WWP1: variants seen among roughly 807,000 people sequenced by gnomAD.
WWP1 encodes NEDD4-like E3 ubiquitin-protein ligase WWP1.
A neutral mutation model predicts 130.6 loss-of-function variants in WWP1; 49 were observed. The ratio of observed to expected loss-of-function variants is 0.38; its 90% CI spans 0.30 to 0.48. WWP1 has a LOEUF of 0.48. Among genes scored for constraint, WWP1 ranks in the 20% least tolerant of loss-of-function variants. WWP1 has a pLI of 0.99. For synonymous variants in WWP1, 332 were observed against 367.8 expected (o/e 0.90, Z 1.11); for missense variants, 809 against 1,100.6 (o/e 0.74, Z 3.75).
intron 1 of WWP1, among the ~76,000 whole-genome samples, chr8:86,356,821 A>G (rs1823284867): frequency 1.3e-5 from 2 of 152,114 alleles, no homozygotes; most frequent in Non-Finnish European, 1.5e-5. Flanking sequence ...CTATTTTAAT[A>G]TTTTTTAAAG....
rs114634014 is a variant in WWP1, at chr8:86,376,775, A to G, written c.70+2655A>G. Among the ~76,000 whole-genome samples the G allele has an allele frequency of 9.9e-3, 1,502 of 152,308 alleles. 28 individuals carry two copies. The highest frequency in any genetic ancestry group is 0.034 in the African/African-American group (1,432 of 41,554). ...GCGTCAGTTGCTGCTCTCCTTTGAA[A>G]TACAGTGATCCTTTTGGGAAAGAAT... On this transcript the variant is annotated intron_variant, in intron 3 of 24. Coordinates refer to ENST00000517970, the MANE Select transcript of WWP1 (RefSeq NM_007013.4).
chr8:86,350,488 CTT>C (rs765675546), intron 1 of WWP1, among the ~76,000 whole-genome samples: 2 of 152,132 alleles, frequency 1.3e-5, no homozygotes, highest in Non-Finnish European at 2.9e-5. Flanking sequence ...ATGCAAATCT[CTT>C]TGCAAATTTC....
chr8:86,342,667 A>C lies in WWP1; in HGVS notation c.-378A>C. 2 of 210,632 alleles carry C rather than the reference A, an allele frequency of 9.5e-6. No individual in the cohort carries two copies. The highest frequency in any genetic ancestry group is 8.0e-6 in the Non-Finnish European group (1 of 125,042). The allele number at this position is 210,632 out of a possible 1,614,324, so 13.0% of individuals were successfully genotyped here. A position where few individuals can be genotyped will look rare whatever the true frequency, so the allele number is the denominator to read the frequency against. On this transcript the variant is annotated 5_prime_UTR_variant, in exon 1 of 25. Transcript: ENST00000517970. ...GACGCGGCCACGCGGCGCGCTCCCG[A>C]GGAAGGGAGGTGTGGGGTCGGCTGG...
intron 1 of WWP1, among the ~76,000 whole-genome samples, chr8:86,357,181 A>G (rs1009765258): frequency 1.3e-4 from 20 of 152,168 alleles, no homozygotes; most frequent in Admixed American, 6.5e-5. Context: ...AATATGTTCT[A>G]TGTTCCAATT....
intron 1 of WWP1, among the ~76,000 whole-genome samples, chr8:86,353,691 C>G (rs1481357734): frequency 6.6e-6 from 1 of 152,138 alleles, no homozygotes; most frequent in Non-Finnish European, 1.5e-5. Context: ...CCATGTTGGC[C>G]AGGCTGGTCT....
At chr8:86,392,786 G>C (rs1021148543) in intron 5 of WWP1, among the ~76,000 whole-genome samples, 8 of 152,126 alleles carry the variant, frequency 5.3e-5, no homozygotes, top group African/African-American at 1.9e-4. Context: ...ATATTTTGAA[G>C]TCAAAGCTTT....
At chr8:86,422,068 A>G (rs1809248341) in intron 9 of WWP1, among the ~76,000 whole-genome samples, 1 of 152,096 alleles carries the variant, frequency 6.6e-6, no homozygotes, top group Non-Finnish European at 1.5e-5. Context: ...TTATTGTGAA[A>G]CATCACACAT....
Position 86,398,608 on chromosome 8 carries a change from A to T in WWP1, c.509A>T (p.Asn170Ile). 1 of 1,612,636 alleles carries T rather than the reference A, an allele frequency of 6.2e-7. No homozygotes were observed. The highest frequency in any genetic ancestry group is 8.5e-7 in the Non-Finnish European group (1 of 1,179,766). ...IQENGDALHENGEPSARTTAR... is the reference protein window; with the variant it reads ...IQENGDALHEIGEPSARTTAR... Reference sequence around the variant, plus strand: ...GAAAATGGTGATGCCTTACATGAAAATGGAGAGCCTTCAGCAAGGACAACT... The same window carrying T: ...GAAAATGGTGATGCCTTACATGAAATTGGAGAGCCTTCAGCAAGGACAACT... Residue 170 changes from asparagine to isoleucine, a missense_variant, in exon 7 of 25, where the codon AAT (asparagine) becomes ATT (isoleucine). By Grantham distance (149) the Asn-to-Ile change is moderately radical. Transcript: ENST00000517970.
At chr8:86,401,329 A>ATG (rs955447973) in intron 7 of WWP1, among the ~76,000 whole-genome samples, 41 of 152,072 alleles carry the variant, frequency 2.7e-4, no homozygotes, top group African/African-American at 8.7e-4. Flanking sequence ...GGGGGTCAAG[A>ATG]TGGGAGGATC....
intron 14 of WWP1, among the ~76,000 whole-genome samples, chr8:86,432,199 A>G (rs576692166): frequency 2.6e-5 from 4 of 152,196 alleles, no homozygotes; most frequent in African/African-American, 4.8e-5. Flanking sequence ...TGATTTTTCC[A>G]GATTTAAAGA....
At chr8:86,351,725 T>A (rs1408827562) in intron 1 of WWP1, among the ~76,000 whole-genome samples, 1 of 152,190 alleles carries the variant, frequency 6.6e-6, no homozygotes, top group Non-Finnish European at 1.5e-5. Context: ...ATGGTTTTGC[T>A]GTGCAGCCTG....
At chr8:86,359,206 A>G (rs1823425445) in intron 1 of WWP1, among the ~76,000 whole-genome samples, 1 of 152,064 alleles carries the variant, frequency 6.6e-6, no homozygotes, top group Non-Finnish European at 1.5e-5. Context: ...TAATGAATGG[A>G]GGTAAGAGAG....
At chr8:86,362,797 T>C (rs1823747053) in intron 1 of WWP1, among the ~76,000 whole-genome samples, 1 of 152,128 alleles carries the variant, frequency 6.6e-6, no homozygotes, top group South Asian at 2.1e-4. Context: ...TACAGAAATT[T>C]ACATCAGAAA....
intron 14 of WWP1, among the ~76,000 whole-genome samples, chr8:86,432,374 T>A (rs968195235): frequency 6.6e-6 from 1 of 152,172 alleles, no homozygotes; most frequent in Non-Finnish European, 1.5e-5. Flanking sequence ...TTCCTATAGA[T>A]GAACTGTCAT....
Position 86,448,440 on chromosome 8 carries a change from G to A in WWP1, c.2200G>A (p.Val734Ile), listed in dbSNP as rs750628033. 2.5e-6 allele frequency: 4 copies of A among 1,613,598 alleles called. No individual in the cohort carries two copies. In the East Asian group the frequency reaches 6.7e-5, roughly 27 times the overall value. The change falls in exon 20 of 25, where the codon GTT (valine) becomes ATT (isoleucine). Residue 734 changes from valine to isoleucine, a missense_variant. Transcript: ENST00000517970. ...FSVDMEILGKVTSHDLKLGGS... is the reference protein window; with the variant it reads ...FSVDMEILGKITSHDLKLGGS... Reference sequence around the variant, plus strand: ...TGTTGACATGGAGATTTTGGGAAAAGTTACTTCACATGACCTGAAGTTGGG... The same window carrying A: ...TGTTGACATGGAGATTTTGGGAAAAATTACTTCACATGACCTGAAGTTGGG...
At chr8:86,435,816 A>C in intron 16 of WWP1, 112 bp downstream of exon 16, 1 of 960,768 alleles carries the variant, frequency 1.0e-6, no homozygotes, top group Non-Finnish European at 1.6e-6. Context: ...AGCTATAATA[A>C]TAATGACTGC....
At chr8:86,350,102 C>T (rs2130099719) in intron 1 of WWP1, among the ~76,000 whole-genome samples, 1 of 152,184 alleles carries the variant, frequency 6.6e-6, no homozygotes, top group South Asian at 2.1e-4. Flanking sequence ...ATTCTCTTTC[C>T]TTCTAGAGAC....
intron 1 of WWP1, among the ~76,000 whole-genome samples, chr8:86,343,584 C>G (rs1320091645): frequency 6.6e-6 from 1 of 152,068 alleles, no homozygotes; most frequent in Non-Finnish European, 1.5e-5. Context: ...GTAGTTTGCT[C>G]CTTACCTTTA....
chr8:86,377,292 T>C (rs1586297976), intron 3 of WWP1, among the ~76,000 whole-genome samples: 1 of 151,798 alleles, frequency 6.6e-6, no homozygotes, highest in East Asian at 1.9e-4. Flanking sequence ...GATACGGGGT[T>C]TCACCGTGTT....
Sources: gnomAD v4.1 joint callset for allele counts (sites outside exome capture counted in the v4.1 genomes callset) on GRCh38, gnomAD v4.1.1 for gene constraint, MANE v1.5 for transcripts, NCBI Gene and HGNC (gene_info 2026-07-23, HGNC 2026-07-21) for gene names.